ARMC5: variants seen among roughly 807,000 people sequenced by gnomAD.
ARMC5 encodes armadillo repeat-containing protein 5.
Under a neutral mutation model 60.5 loss-of-function variants are expected in ARMC5, and 28 were observed. That is an observed-to-expected ratio of 0.46 (90% CI 0.34 to 0.63). The LOEUF is 0.63. ARMC5 is among the 30% of genes least tolerant of loss of function. The pLI is 0.01. For synonymous variants in ARMC5, 680 were observed against 607.3 expected (o/e 1.12, Z -1.76); for missense variants, 1,189 against 1,304.9 (o/e 0.91, Z 1.37).
In ARMC5 at chr16:31,459,865, T is replaced by C; in HGVS notation, c.341T>C (p.Val114Ala). ...GCGTCGGGCCCCGCCCCCTCCGCTG[T>C]GTCGTCGTCTAGTCCTACGCCGCCA... is the stretch of plus-strand genomic sequence containing the variant. ...APASGPAPSAVSSSSPTPPVR... is the reference protein window; with the variant it reads ...APASGPAPSAASSSSPTPPVR... The change falls in exon 1 of 6, where the codon GTG (valine) becomes GCG (alanine). Residue 114 changes from valine (V) to alanine (A), a missense_variant. Transcript: ENST00000268314. 1.2e-6 allele frequency: 2 copies of C among 1,602,246 alleles called. No homozygotes were observed. Among genetic ancestry groups the C allele is most frequent in the Non-Finnish European group, 1.7e-6 (2 of 1,179,048 alleles).
Position 31,464,908 on chromosome 16 carries a change from G to A in ARMC5, c.1864+21G>A, listed in dbSNP as rs552165948. On this transcript the variant is annotated intron_variant, in intron 4 of 5. Coordinates refer to ENST00000268314, the MANE Select transcript of ARMC5 (RefSeq NM_001105247.2). This position sits in a 1 kb window ranked among gnomAD's most constrained non-coding sequence, Gnocchi z 7.6. ...GCTGGGTGAGTTCCCATACCCACCC[G>A]TCTCCTTGCCCCCATGTGAGTCCCC... 6.2e-6 allele frequency: 10 copies of A among 1,607,058 alleles called. No homozygotes were observed. The highest frequency in any genetic ancestry group is 4.1e-5 in the African/African-American group (3 of 74,050).
chr16:31,464,292 TAA>T lies in ARMC5; in HGVS notation c.1371-79_1371-78del, dbSNP rs537788230. 0.11 allele frequency: 52,075 copies of T among 484,612 alleles called. 1 individual carries two copies. The highest frequency in any genetic ancestry group is 0.14 in the East Asian group (3,029 of 21,472). The allele number at this position is 484,612 out of a possible 1,614,324, so 30.0% of individuals were successfully genotyped here. ...GCTATAGAGGGATACCACATTTCTT[TAA>T]AAAAAAAAAAAAAAAAAAAAAAGAC... On this transcript the variant is annotated intron_variant, in intron 3 of 5. Transcript: ENST00000268314. The surrounding 1 kb of genome is among the most constrained non-coding windows in gnomAD (Gnocchi z 7.6).
Position 31,466,675 on chromosome 16 carries a change from G to A in ARMC5, c.2594G>A (p.Gly865Asp). 1.3e-6 allele frequency: 2 copies of A among 1,575,508 alleles called. No homozygotes were observed. Among genetic ancestry groups the A allele is most frequent in the Middle Eastern group, 3.4e-4 (2 of 5,942 alleles). Reference protein sequence around the residue: ...VGRIHLGPQGGPESVGEVFRL... With the variant: ...VGRIHLGPQGDPESVGEVFRL... ...CGCATCCACCTGGGACCCCAGGGTGGCCCGGAGTCAGTGGGTGAGGTGTTC... is the reference window on the plus strand; with the variant it reads ...CGCATCCACCTGGGACCCCAGGGTGACCCGGAGTCAGTGGGTGAGGTGTTC... Residue 865 changes from glycine (G) to aspartate (D), a missense_variant, in exon 6 of 6, where the codon GGC becomes GAC. By Grantham distance (94) the Gly-to-Asp change is moderately conservative. Around this residue, in one of 2 missense-constraint regions of ARMC5, gnomAD observed 862 missense variants for 1,071.2 expected, o/e 0.80. Transcript: ENST00000268314. The surrounding 1 kb of genome is among the most constrained non-coding windows in gnomAD (Gnocchi z 8.0).
intron 3 of ARMC5, among the ~76,000 whole-genome samples, chr16:31,463,654 T>C (rs2082324214): frequency 6.6e-6 from 1 of 152,134 alleles, no homozygotes; most frequent in African/African-American, 2.4e-5. Context: ...GTGACCCTCC[T>C]GGCTCAGCCT....
intron 1 of ARMC5, 58 bp from the exon 2 acceptor site, chr16:31,461,864 T>G: frequency 6.7e-7 from 1 of 1,494,740 alleles, no homozygotes; most frequent in Non-Finnish European, 9.3e-7. Flanking sequence ...TTCTCCAGGT[T>G]ATTGATGTGA....
In ARMC5 at chr16:31,464,917, CCCCCATGTGAGT is replaced by C. The variant is rs776082127; in HGVS notation, c.1864+37_1864+48del. 8.1e-6 allele frequency: 13 copies of C among 1,610,610 alleles called. 2 individuals are homozygous for C. The South Asian group carries it at 1.4e-4, about 18-fold the overall frequency. On this transcript the variant is annotated intron_variant, in intron 4 of 5. Coordinates refer to ENST00000268314, the MANE Select transcript of ARMC5 (RefSeq NM_001105247.2). The surrounding 1 kb of genome is among the most constrained non-coding windows in gnomAD (Gnocchi z 7.6). ...GTTCCCATACCCACCCGTCTCCTTG[CCCCCATGTGAGT>C]CCCCATCCTCCCCCATGGCTTCCAT...
Position 31,462,763 on chromosome 16 carries a change from C to T in ARMC5, c.1216C>T (p.Arg406Trp), listed in dbSNP as rs773617345. ...TCTGTATGACACTGGGGCCCTGGGC[C>T]GGCTGCAGGCTCTGGGACTTGTGCC... ...GFLYDTGALGRLQALGLVPLL... is the reference protein window; with the variant it reads ...GFLYDTGALGWLQALGLVPLL... Residue 406 changes from arginine to tryptophan, a missense_variant, in exon 3 of 6, where the codon CGG (arginine) becomes TGG (tryptophan). By Grantham distance (101) the Arg-to-Trp change is moderately radical. Around this residue, in one of 2 missense-constraint regions of ARMC5, gnomAD observed 862 missense variants for 1,071.2 expected, o/e 0.80. Transcript: ENST00000268314. This position sits in a 1 kb window ranked among gnomAD's most constrained non-coding sequence, Gnocchi z 7.2. The T allele has an allele frequency of 3.1e-6, 5 of 1,613,862 alleles. No homozygotes were observed. Among genetic ancestry groups the T allele is most frequent in the South Asian group, 1.1e-5 (1 of 91,084 alleles).
chr16:31,462,845 AAG>A lies in ARMC5; in HGVS notation c.1299_1300del (p.Glu433AspfsTer8). 6.2e-7 allele frequency: 1 copy of A among 1,613,822 alleles called. No homozygotes were observed. On this transcript the variant is annotated frameshift_variant, in exon 3 of 6. Coordinates refer to ENST00000268314, the MANE Select transcript of ARMC5 (RefSeq NM_001105247.2). LOFTEE classifies it high-confidence loss of function. This position sits in a 1 kb window ranked among gnomAD's most constrained non-coding sequence, Gnocchi z 7.2. ...GGTGAGGAGGAAGAAGAGGGAAGAG[AAG>A]CTGCTTCCTGGGACTTTCCTGAGGA... is the stretch of plus-strand genomic sequence containing the variant.
chr16:31,464,501 C>T lies in ARMC5; in HGVS notation c.1478C>T (p.Pro493Leu), dbSNP rs371884484. The change falls in exon 4 of 6, where the codon CCG becomes CTG. Residue 493 changes from proline (P) to leucine (L), a missense_variant. This residue lies in a region of ARMC5 where 862 missense variants were observed against 1,071.2 expected (regional missense o/e 0.80). Coordinates refer to ENST00000268314, the MANE Select transcript of ARMC5 (RefSeq NM_001105247.2). This position sits in a 1 kb window ranked among gnomAD's most constrained non-coding sequence, Gnocchi z 7.6. ...PEPMEPASPA[P>L]TPTSLRAPRT... ...CCCATGGAGCCGGCCAGCCCCGCCC[C>T]GACCCCGACCTCGCTGCGGGCACCA... The T allele has an allele frequency of 4.0e-5, 65 of 1,607,574 alleles. No homozygotes were observed. The highest frequency in any genetic ancestry group is 6.7e-5 in the African/African-American group (5 of 74,680).
At chr16:31,459,341 G>A (rs536387923), upstream of ARMC5, 1 of 1,535,514 alleles carries the variant, frequency 6.5e-7, no homozygotes, top group Admixed American at 2.0e-5. Flanking sequence ...TGCGATTAAG[G>A]TACTGCCGCG....
Position 31,462,252 on chromosome 16 carries a change from G to A in ARMC5, c.705G>A (p.Gln235=). 1 of 1,609,892 alleles carries A rather than the reference G, an allele frequency of 6.2e-7. No individual in the cohort carries two copies. Among genetic ancestry groups the A allele is most frequent in the Admixed American group, 1.7e-5 (1 of 60,016 alleles). ...DSPQHRLALA[Q]QGAVRPLAEL... ...CCCAGCACCGCCTGGCCTTGGCACA[G>A]CAGGGAGCAGTGCGTCCGCTGGCCG... is the stretch of plus-strand genomic sequence containing the variant. Residue 235 remains glutamine (Q), a synonymous_variant, in exon 3 of 6, where the codon CAG becomes CAA. Coordinates refer to ENST00000268314, the MANE Select transcript of ARMC5 (RefSeq NM_001105247.2). This position sits in a 1 kb window ranked among gnomAD's most constrained non-coding sequence, Gnocchi z 7.2.
rs2082285556 is a variant in ARMC5 at position 31,459,807 on chromosome 16, TCGG to T, written c.285_287del (p.Ala97del). 1 of 1,540,804 alleles carries T rather than the reference TCGG, an allele frequency of 6.5e-7. No homozygotes were observed. The highest frequency in any genetic ancestry group is 2.0e-5 in the Admixed American group (1 of 51,164). On this transcript the variant is annotated inframe_deletion, in exon 1 of 6. Transcript: ENST00000268314. Reference sequence around the variant, plus strand: ...GGCAGGCCCCGGCTCCGCCCCCTCGTCGGCCGCGTCGGGAGCTTCTAGCCCCGC... The same window carrying T: ...GGCAGGCCCCGGCTCCGCCCCCTCGTCCGCGTCGGGAGCTTCTAGCCCCGC...
In ARMC5 at chr16:31,464,414, G is replaced by C; in HGVS notation, c.1391G>C (p.Gly464Ala). 4.5e-6 allele frequency: 7 copies of C among 1,540,112 alleles called. No individual in the cohort carries two copies. The highest frequency in any genetic ancestry group is 6.1e-6 in the Non-Finnish European group (7 of 1,144,304). The change falls in exon 4 of 6, where the codon GGC becomes GCC. Residue 464 changes from glycine to alanine, a missense_variant. By Grantham distance (60) the Gly-to-Ala change is moderately conservative. This residue lies in a region of ARMC5 where 862 missense variants were observed against 1,071.2 expected (regional missense o/e 0.80). Coordinates refer to ENST00000268314, the MANE Select transcript of ARMC5 (RefSeq NM_001105247.2). The surrounding 1 kb of genome is among the most constrained non-coding windows in gnomAD (Gnocchi z 7.6). Reference sequence around the variant, plus strand: ...CGCAGGTCGTGGCTGATCTCCGAGGGCTATGCCACAGGCCCTGATGACATC... The same window carrying C: ...CGCAGGTCGTGGCTGATCTCCGAGGCCTATGCCACAGGCCCTGATGACATC... ...RSLRSWLISE[G>A]YATGPDDISP...
rs1442739078 is a variant in ARMC5 at position 31,464,739 on chromosome 16, C to A, written c.1716C>A (p.Arg572=). ...CACGTGCACTGCGCATTCTGTCACG[C>A]CTCACCTGCAACCCTGCCTGCCTCG... ...PSPRALRILS[R]LTCNPACLEA... Residue 572 remains arginine, a synonymous_variant, in exon 4 of 6, where the codon CGC becomes CGA. Transcript: ENST00000268314. This position sits in a 1 kb window ranked among gnomAD's most constrained non-coding sequence, Gnocchi z 7.6. The A allele has an allele frequency of 4.4e-6, 7 of 1,599,262 alleles. No individual in the cohort carries two copies. The highest frequency in any genetic ancestry group is 5.9e-6 in the Non-Finnish European group (7 of 1,179,386).
intron 4 of ARMC5, chr16:31,465,447 A>G: frequency 1.0e-6 from 1 of 985,444 alleles, no homozygotes; most frequent in Non-Finnish European, 1.4e-6. Context: ...CCAGGTTATG[A>G]TTATAGAGCG....
chr16:31,466,873 C>T lies in ARMC5; in HGVS notation c.2792C>T (p.Ala931Val). ...LAVVMGIELG[A>V]RVPA Reference sequence around the variant, plus strand: ...GTGGTGATGGGGATTGAGTTGGGGGCAAGGGTCCCTGCCTAGACTGTTGAC... The same window carrying T: ...GTGGTGATGGGGATTGAGTTGGGGGTAAGGGTCCCTGCCTAGACTGTTGAC... Residue 931 changes from alanine to valine, a missense_variant, in exon 6 of 6, where the codon GCA (alanine) becomes GTA (valine). This residue lies in a region of ARMC5 where 862 missense variants were observed against 1,071.2 expected (regional missense o/e 0.80). Coordinates refer to ENST00000268314, the MANE Select transcript of ARMC5 (RefSeq NM_001105247.2). This position sits in a 1 kb window ranked among gnomAD's most constrained non-coding sequence, Gnocchi z 8.0. The T allele has an allele frequency of 6.4e-7, 1 of 1,569,560 alleles. No individual in the cohort carries two copies. The highest frequency in any genetic ancestry group is 8.6e-7 in the Non-Finnish European group (1 of 1,160,444).
intron 3 of ARMC5, 129 bp downstream of exon 3, chr16:31,463,046 A>G: frequency 1.0e-6 from 1 of 988,998 alleles, no homozygotes; most frequent in Non-Finnish European, 1.4e-6. Context: ...CAGACTCCTG[A>G]TTCCCACACG....
upstream of ARMC5, chr16:31,458,609 G>A (rs2082267543): frequency 6.9e-7 from 1 of 1,448,008 alleles, no homozygotes; most frequent in Non-Finnish European, 9.3e-7. Context: ...CTTGTAGACG[G>A]TTGCTCTTGG....
chr16:31,459,358 G>A, upstream of ARMC5: 2 of 1,536,174 alleles, frequency 1.3e-6, no homozygotes, highest in Non-Finnish European at 8.7e-7. Context: ...CGCGCCTCGT[G>A]TGCAAGGACA....
Sources: gnomAD v4.1 joint callset for allele counts (sites outside exome capture counted in the v4.1 genomes callset) on GRCh38, gnomAD v4.1.1 for gene constraint, gnomAD v4.1.1 regional missense constraint, Gnocchi (gnomAD v3.1) non-coding constraint, MANE v1.5 for transcripts, NCBI Gene and HGNC (gene_info 2026-07-23, HGNC 2026-07-21) for gene names.